The following ERAP1 variants were observed in gnomAD, a reference collection of about 807,000 sequenced individuals.
ERAP1 encodes adipocyte-derived leucine aminopeptidase.
A neutral mutation model predicts 103.7 loss-of-function variants in ERAP1; 86 were observed. That is an observed-to-expected ratio of 0.83 (90% CI 0.70 to 0.99). ERAP1 has a LOEUF of 0.99. Ranked by LOEUF, ERAP1 falls within the 50% of genes least tolerant of loss-of-function variation. ERAP1 has a pLI of 0.00. For missense variants in ERAP1, 1,009 were observed against 1,128.4 expected, an observed-to-expected ratio of 0.89 and a Z score of 1.52; for synonymous variants, 398 against 402.4, an observed-to-expected ratio of 0.99 and a Z score of 0.13.
chr5:96,808,184 ATCCG>A (rs1778885385), upstream of ERAP1: 4 of 882,952 alleles, frequency 4.5e-6, no homozygotes, highest in African/African-American at 3.5e-5. Context: ...CTGAACGCGG[ATCCG>A]TGTGTGTGTG....
At chr5:96,809,063 A>T (rs920761229), upstream of ERAP1, among the ~76,000 whole-genome samples, 1 of 152,188 alleles carries the variant, frequency 6.6e-6, no homozygotes, top group Non-Finnish European at 1.5e-5. Context: ...TTTTTAGACC[A>T]TATAGGGTAG....
In ERAP1 at chr5:96,793,492, T is replaced by C. The variant is rs1292011303; in HGVS notation, c.1096A>G (p.Met366Val). ...AHQWFGNLVTMEWWNDLWLNE... is the reference protein window; with the variant it reads ...AHQWFGNLVTVEWWNDLWLNE... The stretch of plus-strand genomic sequence containing the variant: ...AGCCAAAGATCATTCCACCATTCCA[T>C]AGTGACCAGGTTCCCAAACCACTAA... The change falls in exon 7 of 19, where the codon ATG (methionine) becomes GTG (valine). Residue 366 changes from methionine to valine, a missense_variant. Physicochemically the swap from Met to Val is conservative, Grantham distance 21. Transcript: ENST00000443439. 6.2e-7 allele frequency: 1 copy of C among 1,613,788 alleles called. No homozygotes were observed. The highest frequency in any genetic ancestry group is 1.7e-5 in the Admixed American group (1 of 60,016).
chr5:96,889,841 C>T, the ERAP1 span, among the ~76,000 whole-genome samples: 1 of 149,156 alleles, frequency 6.7e-6, no homozygotes, highest in Non-Finnish European at 1.5e-5. Context: ...TACACACACA[C>T]ACACACACAC....
the ERAP1 span, among the ~76,000 whole-genome samples, chr5:96,887,104 C>T: frequency 0.25 from 7,129 of 28,486 alleles, 434 homozygotes; most frequent in African/African-American, 0.38. Flanking sequence ...TATATATACA[C>T]ACACACACAC....
the ERAP1 span, chr5:96,901,619 A>G: frequency 8.1e-6 from 13 of 1,614,086 alleles, no homozygotes; most frequent in South Asian, 1.3e-4. Flanking sequence ...TCCGACTGCA[A>G]CAGGAGCGCT....
At chr5:96,826,753 T>G in the ERAP1 span, among the ~76,000 whole-genome samples, 4 of 152,182 alleles carry the variant, frequency 2.6e-5, no homozygotes, top group African/African-American at 9.7e-5. Context: ...TTTTGACCCC[T>G]GCCTTGAACG....
the ERAP1 span, among the ~76,000 whole-genome samples, chr5:96,878,921 G>A: frequency 6.6e-5 from 10 of 152,046 alleles, no homozygotes; most frequent in African/African-American, 1.9e-4. Context: ...GCGAGATTCC[G>A]TCTCAAAAAC....
intron 5 of ERAP1, 110 bp from the exon 6 acceptor site, chr5:96,794,067 T>C (rs1777040504): frequency 3.7e-6 from 4 of 1,073,118 alleles, no homozygotes; most frequent in Non-Finnish European, 4.3e-6. Context: ...TGCATAATCA[T>C]GGAGCTCTAG....
At position 96,792,114 on chromosome 5, in the gene ERAP1, C is replaced by T. The variant is rs749320575; in HGVS notation, c.1267G>A (p.Val423Met). The T allele has an allele frequency of 2.5e-6, 4 of 1,614,072 alleles. No homozygotes were observed. In the East Asian group the frequency reaches 6.7e-5, roughly 27 times the overall value. Residue 423 changes from valine (V) to methionine (M), a missense_variant, in exon 8 of 19, where the codon GTG becomes ATG. Physicochemically the swap from Val to Met is conservative, Grantham distance 21. Transcript: ENST00000443439. ...LNSSHPVSTP[V>M]ENPAQIREMF... ...TCCCGGATCTGAGCAGGATTTTCCA[C>T]AGGTGTAGACACAGGGTGTGAGGAA...
At position 96,803,683 on chromosome 5, in the gene ERAP1, CT is replaced by C. The variant is rs773186497; in HGVS notation, c.243del (p.Val82Ter). On this transcript the variant is annotated frameshift_variant, in exon 2 of 19. Coordinates refer to ENST00000443439, the MANE Select transcript of ERAP1 (RefSeq NM_001040458.3). LOFTEE classifies it high-confidence loss of function. Reference sequence around the variant, plus strand: ...GTGGGCTGACTGGCTGTGATTTCTACTTTCGTGGTTCCCCAGAAGGTCAGCG... The same window carrying C: ...GTGGGCTGACTGGCTGTGATTTCTACTTCGTGGTTCCCCAGAAGGTCAGCG... ...LTTLTFWGTTKVEITASQPTS... is the reference protein window; with the variant it reads ...LTTLTFWGTTXVEITASQPTS... The C allele has an allele frequency of 1.9e-6, 3 of 1,614,084 alleles. No homozygotes were observed. The highest frequency in any genetic ancestry group is 2.5e-6 in the Non-Finnish European group (3 of 1,180,046).
chr5:96,808,498 A>G (rs1163403479), upstream of ERAP1, among the ~76,000 whole-genome samples: 1 of 150,444 alleles, frequency 6.6e-6, no homozygotes, highest in Non-Finnish European at 1.5e-5. Flanking sequence ...TGAACCCAGT[A>G]CTCTGTCGTG....
Position 96,775,472 on chromosome 5 carries a change from C to T in ERAP1, c.*924G>A, listed in dbSNP as rs890682317. On this transcript the variant is annotated 3_prime_UTR_variant, in exon 19 of 19. Transcript: ENST00000443439. ...CCTCCCTAAGAAAAGGGTTTTCCTACAGACTTGAATGCACTCTGCTTTTTC... is the reference window on the plus strand; with the variant it reads ...CCTCCCTAAGAAAAGGGTTTTCCTATAGACTTGAATGCACTCTGCTTTTTC... The T allele has an allele frequency of 1.2e-5, 12 of 985,448 alleles. No individual in the cohort carries two copies. The highest frequency in any genetic ancestry group is 1.4e-5 in the Non-Finnish European group (12 of 829,940). The allele number at this position is 985,448 out of a possible 1,614,324, so 61.0% of individuals were successfully genotyped here.
chr5:96,915,838 G>A, the ERAP1 span: 2 of 1,299,502 alleles, frequency 1.5e-6, no homozygotes, highest in Non-Finnish European at 2.2e-6. Context: ...AGTAAACTTA[G>A]ATATAATCTG....
the ERAP1 span, among the ~76,000 whole-genome samples, chr5:96,933,839 C>G: frequency 1.3e-5 from 2 of 151,922 alleles, no homozygotes; most frequent in Non-Finnish European, 2.9e-5. Flanking sequence ...TCTGCGTGTA[C>G]TATATAATAT....
chr5:96,897,588 A>G, the ERAP1 span, among the ~76,000 whole-genome samples: 1 of 152,184 alleles, frequency 6.6e-6, no homozygotes, highest in East Asian at 1.9e-4. Flanking sequence ...ATCTTATAAT[A>G]GTGATTAATA....
At chr5:96,923,597 G>A in the ERAP1 span, among the ~76,000 whole-genome samples, 1 of 151,804 alleles carries the variant, frequency 6.6e-6, no homozygotes, top group African/African-American at 2.4e-5. Context: ...GGGAGGCTGA[G>A]GCAGGAGACT....
At chr5:96,781,273 C>T in intron 16 of ERAP1, 75 bp from the exon 17 acceptor site, 1 of 1,481,060 alleles carries the variant, frequency 6.8e-7, no homozygotes, top group Non-Finnish European at 9.3e-7. Flanking sequence ...AATAAAATTA[C>T]TTGTAAAAGA....
the ERAP1 span, among the ~76,000 whole-genome samples, chr5:96,867,015 T>A: frequency 6.7e-4 from 102 of 151,390 alleles, no homozygotes; most frequent in African/African-American, 2.3e-3. Context: ...TCTGATATTT[T>A]TTTTTTTTTT....
At chr5:96,841,100 G>A in the ERAP1 span, among the ~76,000 whole-genome samples, 1 of 152,096 alleles carries the variant, frequency 6.6e-6, no homozygotes, top group Non-Finnish European at 1.5e-5. Context: ...GTCATGGCTG[G>A]GTACATAAAT....
Sources: allele counts gnomAD v4.1 joint callset (sites outside exome capture counted in the v4.1 genomes callset), GRCh38; gene constraint gnomAD v4.1.1; transcripts MANE v1.5; gene names NCBI Gene and HGNC (gene_info 2026-07-23, HGNC 2026-07-21).